Variants in GLIS3 observed in about 807,000 individuals in gnomAD.
GLIS3 encodes zinc finger protein GLIS3.
Under a neutral mutation model 78.6 loss-of-function variants are expected in GLIS3, and 53 were observed. The ratio of observed to expected loss-of-function variants is 0.67; its 90% CI spans 0.54 to 0.85. The LOEUF (loss-of-function observed/expected upper bound fraction) is 0.85, where lower values mean the gene tolerates loss of function less well. Among genes scored for constraint, GLIS3 ranks in the 40% least tolerant of loss-of-function variants. The probability of loss-of-function intolerance (pLI) is 0.00; values close to 1 mark genes in which losing one functional copy is unlikely to be tolerated. For missense variants in GLIS3, 1,703 were observed against 1,231.1 expected (o/e 1.38, Z -5.74); for synonymous variants, 684 against 509.9 (o/e 1.34, Z -4.60).
intron 8 of GLIS3, among the ~76,000 whole-genome samples, chr9:3,869,526 G>GTATATATTAGA (rs1820837796): frequency 6.6e-6 from 1 of 152,240 alleles, no homozygotes; most frequent in African/African-American, 2.4e-5. Context: ...GTGCCTGAAT[G>GTATATATTAGA]TATATATTAG....
chr9:3,993,306 A>G (rs1204423971), intron 4 of GLIS3, among the ~76,000 whole-genome samples: 1 of 152,174 alleles, frequency 6.6e-6, no homozygotes, highest in Non-Finnish European at 1.5e-5. Flanking sequence ...GGCAGGTGTA[A>G]TCTTTAATCT....
At chr9:4,354,210 A>T in the GLIS3 span, among the ~76,000 whole-genome samples, 1 of 152,196 alleles carries the variant, frequency 6.6e-6, no homozygotes, top group African/African-American at 2.4e-5. Flanking sequence ...AAATCAGACA[A>T]TGGCAGGCAA....
At chr9:4,171,849 C>T (rs148332164) in intron 2 of GLIS3, among the ~76,000 whole-genome samples, 360 of 152,204 alleles carry the variant, frequency 2.4e-3, no homozygotes, top group Non-Finnish European at 3.6e-3. Context: ...GATGATTAAA[C>T]GACTGAAGAG....
At chr9:4,054,493 TG>T (rs1200966982) in intron 4 of GLIS3, 19 of 985,416 alleles carry the variant, frequency 1.9e-5, no homozygotes, top group Middle Eastern at 5.2e-4. Flanking sequence ...CTACGGGTTC[TG>T]CAGGTACAGA....
chr9:3,953,760 G>GCGCT (rs1362335759), intron 4 of GLIS3, among the ~76,000 whole-genome samples: 4 of 103,412 alleles, frequency 3.9e-5, no homozygotes, highest in East Asian at 2.9e-4. Flanking sequence ...AATTAGATTT[G>GCGCT]CTCTCTCTCT....
intron 2 of GLIS3, among the ~76,000 whole-genome samples, chr9:4,196,209 A>G (rs1427121816): frequency 4.6e-5 from 7 of 152,184 alleles, no homozygotes; most frequent in Admixed American, 4.6e-4. Flanking sequence ...ATATGCACCA[A>G]TCAGCACTCT....
intron 4 of GLIS3, among the ~76,000 whole-genome samples, chr9:4,064,288 A>G (rs1353429558): frequency 6.6e-6 from 1 of 152,180 alleles, no homozygotes; most frequent in Non-Finnish European, 1.5e-5. Context: ...AAGTATTAGA[A>G]AACACAGATT....
chr9:4,232,407 G>C (rs907176443), intron 2 of GLIS3, among the ~76,000 whole-genome samples: 1 of 137,078 alleles, frequency 7.3e-6, no homozygotes, highest in Non-Finnish European at 1.6e-5. Flanking sequence ...AAAAAGAAAA[G>C]AAAAAAAAAG....
At chr9:4,123,385 A>C (rs1220657150) in intron 3 of GLIS3, among the ~76,000 whole-genome samples, 1 of 151,950 alleles carries the variant, frequency 6.6e-6, no homozygotes, top group Non-Finnish European at 1.5e-5. Context: ...AAGCCTCAAA[A>C]CTCTTTTAAC....
chr9:4,357,808 C>T, the GLIS3 span, among the ~76,000 whole-genome samples: 1 of 152,258 alleles, frequency 6.6e-6, no homozygotes, highest in Non-Finnish European at 1.5e-5. Flanking sequence ...TCAGGGCCAC[C>T]ACATTGCATA....
At chr9:4,109,207 C>G (rs1284201488) in intron 4 of GLIS3, among the ~76,000 whole-genome samples, 1 of 152,142 alleles carries the variant, frequency 6.6e-6, no homozygotes, top group Non-Finnish European at 1.5e-5. Flanking sequence ...ACAAGCTCAG[C>G]ATAATGAGCA....
chr9:4,011,301 A>G (rs1172214567), intron 4 of GLIS3, among the ~76,000 whole-genome samples: 1 of 152,144 alleles, frequency 6.6e-6, no homozygotes, highest in African/African-American at 2.4e-5. Context: ...CCCAGGGGAG[A>G]GAACAGGGTG....
chr9:3,892,258 GC>G (rs1348011428), intron 7 of GLIS3, among the ~76,000 whole-genome samples: 4 of 152,108 alleles, frequency 2.6e-5, no homozygotes, highest in African/African-American at 9.6e-5. Context: ...CAAAAAAAAA[GC>G]AGCCTGGAAA....
chr9:4,093,322 G>C (rs537780753), intron 4 of GLIS3, among the ~76,000 whole-genome samples: 2 of 152,130 alleles, frequency 1.3e-5, no homozygotes, highest in South Asian at 2.1e-4. Context: ...ACTGAAAAGA[G>C]CCAGTCACTT....
intron 2 of GLIS3, among the ~76,000 whole-genome samples, chr9:4,279,734 C>T (rs562321986): frequency 1.3e-5 from 2 of 152,008 alleles, no homozygotes; most frequent in Non-Finnish European, 2.9e-5. Context: ...TCCACTGCCA[C>T]ATCATTAATT....
chr9:3,940,786 A>T (rs1279103720), intron 4 of GLIS3, among the ~76,000 whole-genome samples: 2 of 152,214 alleles, frequency 1.3e-5, no homozygotes, highest in African/African-American at 4.8e-5. Flanking sequence ...TTTATTCCAT[A>T]CCAAGCTCCT....
intron 6 of GLIS3, among the ~76,000 whole-genome samples, chr9:3,902,195 G>T (rs1459491282): frequency 1.3e-5 from 2 of 152,174 alleles, no homozygotes; most frequent in Non-Finnish European, 2.9e-5. Context: ...ATTAGGCATG[G>T]TTCTAGAAAG....
the GLIS3 span, among the ~76,000 whole-genome samples, chr9:4,434,526 C>T: frequency 6.6e-6 from 1 of 152,098 alleles, no homozygotes; most frequent in East Asian, 1.9e-4. Context: ...CAGCAGATAC[C>T]CAAAGCACGT....
intron 6 of GLIS3, among the ~76,000 whole-genome samples, chr9:3,921,598 C>G (rs1041971545): frequency 6.6e-6 from 1 of 151,986 alleles, no homozygotes; most frequent in East Asian, 1.9e-4. Flanking sequence ...AAAACAGAAA[C>G]CTTTAGATGG....
Sources: gnomAD v4.1 joint callset for allele counts (sites outside exome capture counted in the v4.1 genomes callset) on GRCh38, gnomAD v4.1.1 for gene constraint, MANE v1.5 for transcripts, NCBI Gene and HGNC (gene_info 2026-07-23, HGNC 2026-07-21) for gene names.